The following SLC8A1 variants were observed in gnomAD, a reference collection of about 807,000 sequenced individuals.
SLC8A1 encodes sodium/calcium exchanger 1.
A neutral mutation model predicts 68.3 loss-of-function variants in SLC8A1; 18 were observed. The ratio of observed to expected loss-of-function variants is 0.26; its 90% CI spans 0.18 to 0.39. The LOEUF (loss-of-function observed/expected upper bound fraction) is 0.39, where lower values mean the gene tolerates loss of function less well. Ranked by LOEUF, SLC8A1 falls within the 10% of genes least tolerant of loss-of-function variation. The pLI is 1.00. For missense variants in SLC8A1, 985 were observed against 1,156.7 expected (o/e 0.85, Z 2.15); for synonymous variants, 475 against 415.5 (o/e 1.14, Z -1.74).
At chr2:40,163,897 A>T (rs989100488) in intron 5 of SLC8A1, among the ~76,000 whole-genome samples, 16 of 152,216 alleles carry the variant, frequency 1.1e-4, no homozygotes, top group Admixed American at 6.5e-5. Context: ...AAAAGAGGGG[A>T]CTATTATGAG....
chr2:40,330,393 T>C (rs2076289939), intron 2 of SLC8A1, among the ~76,000 whole-genome samples: 1 of 152,192 alleles, frequency 6.6e-6, no homozygotes, highest in African/African-American at 2.4e-5. Context: ...TGTGTGTTGT[T>C]GGACTAAACG....
At chr2:40,303,099 C>A (rs1389076216) in intron 2 of SLC8A1, among the ~76,000 whole-genome samples, 1 of 152,190 alleles carries the variant, frequency 6.6e-6, no homozygotes, top group Admixed American at 6.5e-5. Flanking sequence ...AGTTACTACA[C>A]ACTGCCAAAA....
chr2:40,385,853 C>T (rs887390996), intron 2 of SLC8A1, among the ~76,000 whole-genome samples: 2 of 150,708 alleles, frequency 1.3e-5, no homozygotes, highest in Non-Finnish European at 2.9e-5. Context: ...TATAAAATGT[C>T]CAAATAAAAA....
intron 2 of SLC8A1, among the ~76,000 whole-genome samples, chr2:40,336,380 G>A (rs748152221): frequency 1.3e-5 from 2 of 152,122 alleles, no homozygotes; most frequent in Non-Finnish European, 2.9e-5. Context: ...CCTTGCAGGG[G>A]CCTCTCTTGT....
intron 2 of SLC8A1, among the ~76,000 whole-genome samples, chr2:40,391,578 G>A (rs961344140): frequency 9.2e-5 from 14 of 151,914 alleles, no homozygotes; most frequent in South Asian, 4.1e-4. Flanking sequence ...AAATTTATAA[G>A]AGCATTATGA....
At chr2:40,401,444 C>A (rs1688686194) in intron 2 of SLC8A1, among the ~76,000 whole-genome samples, 1 of 150,546 alleles carries the variant, frequency 6.6e-6, no homozygotes, top group Non-Finnish European at 1.5e-5. Context: ...TAACATGATT[C>A]TTTGTATTAC....
At chr2:40,168,798 ACT>A (rs2046978761) in intron 4 of SLC8A1, among the ~76,000 whole-genome samples, 1 of 152,142 alleles carries the variant, frequency 6.6e-6, no homozygotes, top group African/African-American at 2.4e-5. Context: ...TGGAAAATAT[ACT>A]CTTTCTCCTC....
At chr2:40,301,205 G>A (rs1026917085) in intron 2 of SLC8A1, among the ~76,000 whole-genome samples, 5 of 152,138 alleles carry the variant, frequency 3.3e-5, no homozygotes, top group African/African-American at 1.2e-4. Context: ...AATTTGCTAA[G>A]TGCTCTATAT....
At chr2:40,492,289 A>G (rs1486664217) in intron 1 of SLC8A1, among the ~76,000 whole-genome samples, 1 of 152,224 alleles carries the variant, frequency 6.6e-6, no homozygotes, top group African/African-American at 2.4e-5. Flanking sequence ...CTGGCTAGCC[A>G]TATCTAGAAA....
At chr2:40,335,864 C>CTA (rs1332734776) in intron 2 of SLC8A1, among the ~76,000 whole-genome samples, 2 of 152,152 alleles carry the variant, frequency 1.3e-5, no homozygotes, top group Admixed American at 1.3e-4. Flanking sequence ...TGGAATGAGC[C>CTA]TATCAGAGAA....
At chr2:40,262,340 T>C (rs1351421100) in intron 2 of SLC8A1, among the ~76,000 whole-genome samples, 2 of 152,240 alleles carry the variant, frequency 1.3e-5, no homozygotes, top group Admixed American at 6.5e-5. Flanking sequence ...AGTTTGTCTC[T>C]TTAAACCAAT....
At chr2:40,316,881 T>C (rs79604400) in intron 2 of SLC8A1, among the ~76,000 whole-genome samples, 7,151 of 152,044 alleles carry the variant, frequency 0.047, 528 homozygotes, top group African/African-American at 0.16. Context: ...CCTCAGGGCA[T>C]TCATCATCCC....
Position 40,387,847 on chromosome 2 carries a change from G to C in SLC8A1, c.1808+40626C>G, listed in dbSNP as rs565213458. Among the ~76,000 whole-genome samples, 9 of 147,526 alleles carry C rather than the reference G, an allele frequency of 6.1e-5. No homozygotes were observed. The East Asian group carries it at 1.4e-3, about 23-fold the overall frequency. On this transcript the variant is annotated intron_variant, in intron 2 of 7. Transcript: ENST00000406785. ...AGCTACTTTGGAGCCTGAGACATGA[G>C]AATTGTTTGAACCTGGGAGGTGGAG...
In SLC8A1 at chr2:40,235,407, C is replaced by G. The variant is rs2060228206; in HGVS notation, c.1809-57552G>C. ...TGTGTAGAGGTGTTTGTAGTATTCT[C>G]TGATGGTAGTTTGTATTTCTGTGGG... is the stretch of plus-strand genomic sequence containing the variant. On this transcript the variant is annotated intron_variant, in intron 2 of 7. Transcript: ENST00000406785. Among the ~76,000 whole-genome samples, 5 of 151,934 alleles carry G rather than the reference C, an allele frequency of 3.3e-5. No individual in the cohort carries two copies. In the South Asian group the frequency reaches 1.0e-3, roughly 32 times the overall value.
At chr2:40,327,979 C>G (rs1189204077) in intron 2 of SLC8A1, among the ~76,000 whole-genome samples, 1 of 151,258 alleles carries the variant, frequency 6.6e-6, no homozygotes, top group Non-Finnish European at 1.5e-5. Context: ...CAGTATTTGC[C>G]CTGAAAATCA....
intron 2 of SLC8A1, among the ~76,000 whole-genome samples, chr2:40,427,769 A>C (rs1697263679): frequency 6.6e-6 from 1 of 152,058 alleles, no homozygotes; most frequent in African/African-American, 2.4e-5. Flanking sequence ...ACAGAACCTT[A>C]TTTCTCTCTC....
intron 2 of SLC8A1, among the ~76,000 whole-genome samples, chr2:40,292,803 T>G (rs1221079617): frequency 6.6e-6 from 1 of 152,158 alleles, no homozygotes; most frequent in African/African-American, 2.4e-5. Context: ...GCTAACAGAA[T>G]AGAAAAGGAA....
intron 2 of SLC8A1, among the ~76,000 whole-genome samples, chr2:40,262,924 G>A (rs1290947221): frequency 6.6e-6 from 1 of 152,180 alleles, no homozygotes; most frequent in East Asian, 1.9e-4. Context: ...GGCCACAGAG[G>A]TACCCAAGAA....
At chr2:40,182,381 G>T (rs956878507) in intron 2 of SLC8A1, among the ~76,000 whole-genome samples, 1 of 151,890 alleles carries the variant, frequency 6.6e-6, no homozygotes, top group African/African-American at 2.4e-5. Context: ...TAAAAACTGT[G>T]GTTTCTGGAA....
Sources: allele counts gnomAD v4.1 joint callset (sites outside exome capture counted in the v4.1 genomes callset), GRCh38; gene constraint gnomAD v4.1.1; transcripts MANE v1.5; gene names NCBI Gene and HGNC (gene_info 2026-07-23, HGNC 2026-07-21).